BRAF: variants seen among roughly 807,000 people sequenced by gnomAD.
BRAF encodes the protein serine/threonine-protein kinase B-raf.
BRAF carries 16 observed loss-of-function variants against 104.6 expected under a neutral mutation model. That is an observed-to-expected ratio of 0.15 (90% CI 0.10 to 0.23). The LOEUF is 0.23. Among genes scored for constraint, BRAF ranks in the 10% least tolerant of loss-of-function variants. The probability of loss-of-function intolerance (pLI) is 1.00; values close to 1 mark genes in which losing one functional copy is unlikely to be tolerated. For missense variants in BRAF, 541 were observed against 937.3 expected (o/e 0.58, Z 5.52); for synonymous variants, 310 against 341.6 (o/e 0.91, Z 1.02).
intron 1 of BRAF, among the ~76,000 whole-genome samples, chr7:140,905,112 G>A (rs547661092): frequency 2.4e-4 from 37 of 152,204 alleles, no homozygotes; most frequent in African/African-American, 8.9e-4. Flanking sequence ...AGAATGTGTA[G>A]CCTGCCACTG....
At chr7:140,758,444 T>G (rs1798383643) in intron 14 of BRAF, among the ~76,000 whole-genome samples, 1 of 152,174 alleles carries the variant, frequency 6.6e-6, no homozygotes, top group African/African-American at 2.4e-5. Flanking sequence ...TTTGCCTTGA[T>G]TTTTTAGTTT....
intron 1 of BRAF, among the ~76,000 whole-genome samples, chr7:140,861,941 T>C (rs1380552431): frequency 6.6e-6 from 1 of 152,166 alleles, no homozygotes; most frequent in South Asian, 2.1e-4. Context: ...GGAATAAACA[T>C]AGTAAAGCTG....
At chr7:140,842,084 G>A (rs1461462637) in intron 2 of BRAF, among the ~76,000 whole-genome samples, 7 of 152,132 alleles carry the variant, frequency 4.6e-5, no homozygotes, top group Admixed American at 4.6e-4. Context: ...CCAGCTTCCA[G>A]TATTAATTTC....
intron 1 of BRAF, among the ~76,000 whole-genome samples, chr7:140,901,746 C>T (rs1027494215): frequency 6.6e-6 from 1 of 152,130 alleles, no homozygotes; most frequent in Admixed American, 6.5e-5. Context: ...TAAGTATCTC[C>T]TTTCCTAGGA....
chr7:140,843,022 TG>T (rs1808144617), intron 2 of BRAF, among the ~76,000 whole-genome samples: 1 of 152,192 alleles, frequency 6.6e-6, no homozygotes, highest in African/African-American at 2.4e-5. Flanking sequence ...GGGTTTCTGT[TG>T]AAATGTTATA....
chr7:140,744,144 C>T (rs1797160230), intron 17 of BRAF, among the ~76,000 whole-genome samples: 1 of 152,196 alleles, frequency 6.6e-6, no homozygotes, highest in Non-Finnish European at 1.5e-5. Flanking sequence ...ACAGACTGTG[C>T]TAACAATGTG....
chr7:140,713,773 C>T, the BRAF span, among the ~76,000 whole-genome samples: 1 of 152,148 alleles, frequency 6.6e-6, no homozygotes, highest in Admixed American at 6.5e-5. Context: ...TGGTGACGTA[C>T]ATATGGGTTT....
chr7:140,920,815 CAA>C (rs1449819397), intron 1 of BRAF, among the ~76,000 whole-genome samples: 1 of 152,066 alleles, frequency 6.6e-6, no homozygotes, highest in African/African-American at 2.4e-5. Context: ...CTAGAAATAC[CAA>C]AGACAAACAA....
rs1408410189 is a variant in BRAF at position 140,911,747 on chromosome 7, T to C, written c.138+12819A>G. ...CAGTAAGTATTTGATACAGAAAAGA[T>C]GAAGAAAATTTTTTTAAAAGAAAAG... On this transcript the variant is annotated intron_variant, in intron 1 of 19. Transcript: ENST00000644969. Among the ~76,000 whole-genome samples, 5 of 152,252 alleles carry C rather than the reference T, an allele frequency of 3.3e-5. No homozygotes were observed. The East Asian group carries it at 7.7e-4, about 23-fold the overall frequency.
At chr7:140,811,329 A>C (rs1422208693) in intron 3 of BRAF, among the ~76,000 whole-genome samples, 1 of 152,114 alleles carries the variant, frequency 6.6e-6, no homozygotes, top group Admixed American at 6.6e-5. Flanking sequence ...GATGTCCTTA[A>C]AGCATACTGT....
chr7:140,890,743 G>A (rs1814125779), intron 1 of BRAF, among the ~76,000 whole-genome samples: 1 of 152,144 alleles, frequency 6.6e-6, no homozygotes, highest in Admixed American at 6.6e-5. Flanking sequence ...AAGTTCTCCA[G>A]GTGCTTCTGA....
intron 7 of BRAF, among the ~76,000 whole-genome samples, chr7:140,794,806 C>T (rs896072221): frequency 4.5e-4 from 68 of 152,100 alleles, no homozygotes; most frequent in African/African-American, 1.6e-3. Context: ...CTGAGAATGA[C>T]TGAATATAAT....
At chr7:140,756,429 C>T (rs910878362) in intron 14 of BRAF, among the ~76,000 whole-genome samples, 4 of 151,968 alleles carry the variant, frequency 2.6e-5, no homozygotes, top group African/African-American at 9.7e-5. Flanking sequence ...GAGACACAAC[C>T]GAATCCCTAC....
chr7:140,834,308 T>C, intron 3 of BRAF: 1 of 530,328 alleles, frequency 1.9e-6, no homozygotes, highest in East Asian at 3.1e-5. Flanking sequence ...CATTAGATAA[T>C]GAACAAGCTC....
chr7:140,824,770 GTTCT>G (rs1172477928), intron 3 of BRAF, among the ~76,000 whole-genome samples: 1 of 152,002 alleles, frequency 6.6e-6, no homozygotes, highest in African/African-American at 2.4e-5. Flanking sequence ...GGAAATTCTA[GTTCT>G]TTCACATCCC....
chr7:140,872,745 T>C (rs6950946), intron 1 of BRAF, among the ~76,000 whole-genome samples: 45,366 of 151,858 alleles, frequency 0.3, 10,808 homozygotes, highest in African/African-American at 0.66. Flanking sequence ...TGTCTGTAGT[T>C]CCAGCTATTC....
chr7:140,747,323 T>A (rs1797435264), intron 17 of BRAF: 4 of 1,116,908 alleles, frequency 3.6e-6, no homozygotes, highest in Non-Finnish European at 2.3e-6. Flanking sequence ...TCCAGAAGGT[T>A]CTAACTATAC....
At chr7:140,793,826 T>C (rs1167797211) in intron 8 of BRAF, among the ~76,000 whole-genome samples, 2 of 152,130 alleles carry the variant, frequency 1.3e-5, no homozygotes, top group Non-Finnish European at 2.9e-5. Flanking sequence ...GGGGTCTCAC[T>C]ATGTTGCCTA....
chr7:140,867,274 T>C (rs1238253559), intron 1 of BRAF, among the ~76,000 whole-genome samples: 1 of 152,200 alleles, frequency 6.6e-6, no homozygotes, highest in East Asian at 1.9e-4. Context: ...TCTATGTCTC[T>C]ATAAGAAGTA....
Sources: allele counts gnomAD v4.1 joint callset (sites outside exome capture counted in the v4.1 genomes callset), GRCh38; gene constraint gnomAD v4.1.1; transcripts MANE v1.5; gene names NCBI Gene and HGNC (gene_info 2026-07-23, HGNC 2026-07-21).